The following PGM5 variants were observed in gnomAD, a reference collection of about 807,000 sequenced individuals.
PGM5 encodes the protein phosphoglucomutase-like protein 5.
A neutral mutation model predicts 59.2 loss-of-function variants in PGM5; 23 were observed. The observed-to-expected ratio is 0.39, with a 90% confidence interval of 0.28 to 0.55. The LOEUF (loss-of-function observed/expected upper bound fraction) is 0.55, where lower values mean the gene tolerates loss of function less well. Among genes scored for constraint, PGM5 ranks in the 20% least tolerant of loss-of-function variants. The pLI, the probability that PGM5 is intolerant of heterozygous loss-of-function variation, is 0.66. For synonymous variants in PGM5, 214 were observed against 286.0 expected (o/e 0.75, Z 2.54); for missense variants, 574 against 748.3 (o/e 0.77, Z 2.72).
chr9:68,459,838 T>A (rs1554685235), intron 6 of PGM5, among the ~76,000 whole-genome samples: 2 of 152,340 alleles, frequency 1.3e-5, no homozygotes, highest in Admixed American at 6.5e-5. Context: ...GTTCAAAACT[T>A]TTGCCTATTT....
intron 10 of PGM5, among the ~76,000 whole-genome samples, chr9:68,499,704 G>C (rs1414562471): frequency 6.6e-6 from 1 of 152,182 alleles, no homozygotes; most frequent in Non-Finnish European, 1.5e-5. Flanking sequence ...GAAACTCTCA[G>C]AGCCTTGACT....
chr9:68,368,498 C>T (rs1834723540), intron 1 of PGM5, among the ~76,000 whole-genome samples: 1 of 152,152 alleles, frequency 6.6e-6, no homozygotes. Flanking sequence ...AGACATGTAC[C>T]TGTCACTACC....
At chr9:68,529,051 T>C (rs1042354715) in intron 10 of PGM5, among the ~76,000 whole-genome samples, 3 of 152,142 alleles carry the variant, frequency 2.0e-5, no homozygotes, top group Admixed American at 2.0e-4. Flanking sequence ...TGGGAAGGCA[T>C]GATCAGTCAT....
intron 10 of PGM5, among the ~76,000 whole-genome samples, chr9:68,507,270 G>A (rs1824673489): frequency 6.6e-6 from 1 of 152,168 alleles, no homozygotes; most frequent in African/African-American, 2.4e-5. Context: ...TAGACGAGAG[G>A]CGTGACTTGG....
intron 7 of PGM5, among the ~76,000 whole-genome samples, chr9:68,474,607 G>C (rs1366574144): frequency 6.6e-6 from 1 of 151,750 alleles, no homozygotes; most frequent in Non-Finnish European, 1.5e-5. Context: ...GTTTTTGCTG[G>C]AGTCATGGCA....
intron 1 of PGM5, among the ~76,000 whole-genome samples, chr9:68,370,561 A>G (rs1821666332): frequency 6.6e-6 from 1 of 152,244 alleles, no homozygotes; most frequent in Non-Finnish European, 1.5e-5. Context: ...AACAGCTGTC[A>G]GAAATAAGAT....
chr9:68,360,647 A>T (rs1834558002), intron 1 of PGM5, among the ~76,000 whole-genome samples: 1 of 152,036 alleles, frequency 6.6e-6, no homozygotes, highest in East Asian at 1.9e-4. Flanking sequence ...CTTTCAGAAA[A>T]GCAGAGAGAT....
chr9:68,487,445 C>G (rs1824314017), intron 9 of PGM5, among the ~76,000 whole-genome samples: 1 of 122,010 alleles, frequency 8.2e-6, no homozygotes, highest in African/African-American at 4.0e-5. Context: ...CTCTCTCTCT[C>G]TCTGTGTCAC....
chr9:68,484,144 A>G, intron 9 of PGM5, 96 bp downstream of exon 9: 1 of 1,046,686 alleles, frequency 9.6e-7, no homozygotes, highest in East Asian at 2.4e-5. Flanking sequence ...ATCTAAGGTG[A>G]CCTCATTTTA....
chr9:68,430,833 ATT>A (rs1554682954), intron 6 of PGM5, among the ~76,000 whole-genome samples: 1 of 152,214 alleles, frequency 6.6e-6, no homozygotes, highest in Non-Finnish European at 1.5e-5. Context: ...TTAGAAGTTT[ATT>A]TTGTTACATG....
chr9:68,359,252 A>G (rs534760871), intron 1 of PGM5, among the ~76,000 whole-genome samples: 4 of 152,364 alleles, frequency 2.6e-5, no homozygotes, highest in African/African-American at 9.6e-5. Context: ...ATTTATTTTA[A>G]CAGATAATTA....
At chr9:68,515,697 A>G (rs782454260) in intron 10 of PGM5, among the ~76,000 whole-genome samples, 2 of 151,696 alleles carry the variant, frequency 1.3e-5, no homozygotes, top group Non-Finnish European at 2.9e-5. Context: ...TGGCTTTCTC[A>G]CTCCAAGAGC....
At chr9:68,391,886 AT>A (rs1439141810) in intron 5 of PGM5, among the ~76,000 whole-genome samples, 162 bp downstream of exon 5, 8 of 152,268 alleles carry the variant, frequency 5.3e-5, no homozygotes, top group Admixed American at 4.6e-4. Flanking sequence ...AAGTATTGCA[AT>A]TAAATAGCGA....
intron 2 of PGM5, among the ~76,000 whole-genome samples, chr9:68,382,344 T>C (rs1437733775): frequency 1.3e-5 from 2 of 151,748 alleles, no homozygotes; most frequent in Non-Finnish European, 3.0e-5. Flanking sequence ...ACCCTTATCT[T>C]ACACTATACA....
At chr9:68,436,511 G>A (rs561041385) in intron 6 of PGM5, among the ~76,000 whole-genome samples, 1 of 152,306 alleles carries the variant, frequency 6.6e-6, no homozygotes, top group East Asian at 1.9e-4. Flanking sequence ...GTGATGACAA[G>A]CCAATGACAA....
chr9:68,480,614 G>C (rs1035961228), intron 8 of PGM5, among the ~76,000 whole-genome samples: 8 of 151,842 alleles, frequency 5.3e-5, no homozygotes, highest in Admixed American at 2.0e-4. Context: ...CAGGAGAATC[G>C]CTTGAACCTG....
At chr9:68,461,776 A>G (rs1251818005) in intron 6 of PGM5, among the ~76,000 whole-genome samples, 7 of 151,798 alleles carry the variant, frequency 4.6e-5, no homozygotes, top group Non-Finnish European at 1.0e-4. Flanking sequence ...AGTATCAGCT[A>G]TCCCATTATA....
At chr9:68,507,919 G>A (rs1193401272) in intron 10 of PGM5, among the ~76,000 whole-genome samples, 1 of 152,190 alleles carries the variant, frequency 6.6e-6, no homozygotes, top group Non-Finnish European at 1.5e-5. Flanking sequence ...CTGATGGCAT[G>A]TGAAAAACTC....
At chr9:68,473,271 T>C (rs185804831) in intron 7 of PGM5, among the ~76,000 whole-genome samples, 1 of 152,296 alleles carries the variant, frequency 6.6e-6, no homozygotes, top group East Asian at 1.9e-4. Context: ...TGAAAACCAT[T>C]TCTAAATGAA....
Sources: gnomAD v4.1 joint callset for allele counts (sites outside exome capture counted in the v4.1 genomes callset) on GRCh38, gnomAD v4.1.1 for gene constraint, MANE v1.5 for transcripts, NCBI Gene and HGNC (gene_info 2026-07-23, HGNC 2026-07-21) for gene names.